Variants in MINK1 observed in about 807,000 individuals in gnomAD.
MINK1 encodes the protein misshapen-like kinase 1.
Under a neutral mutation model 178.4 loss-of-function variants are expected in MINK1, and 46 were observed. The ratio of observed to expected loss-of-function variants is 0.26; its 90% CI spans 0.20 to 0.33. The LOEUF (loss-of-function observed/expected upper bound fraction) is 0.33, where lower values mean the gene tolerates loss of function less well. MINK1 is among the 10% of genes least tolerant of loss of function. The probability of loss-of-function intolerance (pLI) is 1.00; values close to 1 mark genes in which losing one functional copy is unlikely to be tolerated. For synonymous variants in MINK1, 797 were observed against 709.7 expected (o/e 1.12, Z -1.96); for missense variants, 1,366 against 1,814.9 (o/e 0.75, Z 4.49).
intron 13 of MINK1, chr17:4,890,144 C>A: frequency 1.6e-6 from 1 of 618,008 alleles, no homozygotes; most frequent in Non-Finnish European, 2.4e-6. Flanking sequence ...CCTCCTTCTC[C>A]AACTCGCTGC....
At chr17:4,864,731 A>G (rs940444431) in intron 1 of MINK1, among the ~76,000 whole-genome samples, 1 of 152,200 alleles carries the variant, frequency 6.6e-6, no homozygotes, top group Non-Finnish European at 1.5e-5. Flanking sequence ...ATCTCAAAAA[A>G]AAGAGCTATG....
intron 1 of MINK1, chr17:4,859,307 T>C (rs1196934199): frequency 4.1e-6 from 4 of 985,288 alleles, no homozygotes; most frequent in Non-Finnish European, 4.8e-6. Flanking sequence ...TCAAGAATTA[T>C]GACTCATCGG....
At chr17:4,851,182 C>G (rs902631572) in intron 1 of MINK1, among the ~76,000 whole-genome samples, 1 of 152,194 alleles carries the variant, frequency 6.6e-6, no homozygotes, top group African/African-American at 2.4e-5. Flanking sequence ...TTGTGGGAGC[C>G]AGTTTCTTCA....
At chr17:4,891,432 A>C (rs966997370) in intron 15 of MINK1, 24 bp from the exon 16 acceptor site, 1 of 1,525,376 alleles carries the variant, frequency 6.6e-7, no homozygotes, top group Non-Finnish European at 8.8e-7. Context: ...CAGGCAGCCC[A>C]CCCTCCCTGG....
At position 4,894,694 on chromosome 17, in the gene MINK1, C is replaced by A; in HGVS notation, c.2917+61C>A. On this transcript the variant is annotated intron_variant, in intron 24 of 31. Coordinates refer to ENST00000355280, the MANE Select transcript of MINK1 (RefSeq NM_153827.5). This position sits in a 1 kb window ranked among gnomAD's most constrained non-coding sequence, Gnocchi z 4.1. ...GGTCCAGGGGCAGCCTGGAGGGGAG[C>A]ACAGTGGTCTTGAGACGCAGCCTCA... 1 of 1,319,246 alleles carries A rather than the reference C, an allele frequency of 7.6e-7. No individual in the cohort carries two copies. Among genetic ancestry groups the A allele is most frequent in the Non-Finnish European group, 1.1e-6 (1 of 933,324 alleles). The allele number at this position is 1,319,246 out of a possible 1,614,324, so 81.7% of individuals were successfully genotyped here. A position where few individuals can be genotyped will look rare whatever the true frequency, so the allele number is the denominator to read the frequency against.
At chr17:4,856,329 C>G (rs1373922690) in intron 1 of MINK1, among the ~76,000 whole-genome samples, 2 of 152,116 alleles carry the variant, frequency 1.3e-5, no homozygotes, top group Non-Finnish European at 2.9e-5. Flanking sequence ...TGTCCAGTAT[C>G]TCTGCTTGGG....
intron 1 of MINK1, among the ~76,000 whole-genome samples, 185 bp from the exon 2 acceptor site, chr17:4,878,132 C>T (rs531357172): frequency 2.6e-5 from 4 of 152,246 alleles, no homozygotes; most frequent in Admixed American, 6.5e-5. Context: ...CAACTTTTCC[C>T]GTAGAACATT....
chr17:4,889,212 C>T (rs970238660), intron 12 of MINK1, among the ~76,000 whole-genome samples: 10 of 152,280 alleles, frequency 6.6e-5, no homozygotes, highest in African/African-American at 2.4e-4. Context: ...TGGGCCAGGT[C>T]CCTCTTTTCT....
chr17:4,843,100 T>A (rs1422529141), intron 1 of MINK1, among the ~76,000 whole-genome samples: 1 of 152,146 alleles, frequency 6.6e-6, no homozygotes, highest in Non-Finnish European at 1.5e-5. Context: ...CGCCTAACCT[T>A]AACAAGGTCA....
Position 4,894,470 on chromosome 17 carries a change from C to A in MINK1, c.2809-55C>A. 6.6e-7 allele frequency: 1 copy of A among 1,522,748 alleles called. No individual in the cohort carries two copies. Among genetic ancestry groups the A allele is most frequent in the Non-Finnish European group, 8.9e-7 (1 of 1,119,594 alleles). 94.3% of individuals were successfully genotyped at this position (1,522,748 alleles called of 1,614,324 possible). A position where few individuals can be genotyped will look rare whatever the true frequency, so the allele number is the denominator to read the frequency against. On this transcript the variant is annotated intron_variant, in intron 23 of 31. Transcript: ENST00000355280. The surrounding 1 kb of genome is among the most constrained non-coding windows in gnomAD (Gnocchi z 4.1). ...GGAGCCTGGGGAACAGCAGCAGGGG[C>A]AGGGCCGCAGCTGGACTTGCACTTG...
intron 1 of MINK1, among the ~76,000 whole-genome samples, chr17:4,838,078 G>C (rs1909577473): frequency 6.6e-6 from 1 of 152,174 alleles, no homozygotes; most frequent in Admixed American, 6.6e-5. Context: ...AGATGCCTTA[G>C]GCAGGAGAAT....
At chr17:4,858,989 C>A in intron 1 of MINK1, 1 of 316,724 alleles carries the variant, frequency 3.2e-6, no homozygotes, top group Non-Finnish European at 4.5e-6. Context: ...CCTCCCAACA[C>A]CAGGCACCCG....
At chr17:4,856,994 T>A in intron 1 of MINK1, 1 of 180,802 alleles carries the variant, frequency 5.5e-6, no homozygotes, top group Middle Eastern at 8.2e-4. Flanking sequence ...TGAGGATCAG[T>A]ATCATGCCTA....
At chr17:4,876,050 C>T (rs973897079) in intron 1 of MINK1, among the ~76,000 whole-genome samples, 2 of 152,042 alleles carry the variant, frequency 1.3e-5, no homozygotes, top group African/African-American at 4.8e-5. Flanking sequence ...CCGCTTCAGC[C>T]TCTCAAAGTG....
Position 4,892,241 on chromosome 17 carries a change from C to T in MINK1, c.2087+7C>T. 6.4e-7 allele frequency: 1 copy of T among 1,569,002 alleles called. No homozygotes were observed. The highest frequency in any genetic ancestry group is 8.6e-7 in the Non-Finnish European group (1 of 1,157,718). On this transcript the variant is annotated splice_region_variant and intron_variant, in intron 17 of 31. Coordinates refer to ENST00000355280, the MANE Select transcript of MINK1 (RefSeq NM_153827.5). Reference sequence around the variant, plus strand: ...CCCAGGCAGTCCGTGCCAGGTAATGCCTGGGTAGGGCAACGCCTGGGTGAG... The same window carrying T: ...CCCAGGCAGTCCGTGCCAGGTAATGTCTGGGTAGGGCAACGCCTGGGTGAG...
At chr17:4,856,550 A>G (rs1265266108) in intron 1 of MINK1, among the ~76,000 whole-genome samples, 2 of 152,212 alleles carry the variant, frequency 1.3e-5, no homozygotes, top group African/African-American at 2.4e-5. Flanking sequence ...AGCCTCCGCA[A>G]TGGGAACCTC....
Position 4,894,976 on chromosome 17 carries a change from G to A in MINK1, c.2918-99G>A, listed in dbSNP as rs545016562. ...CTCCTGTCTTTCTCCTCCTTTCTGC[G>A]TATTATGAGGTGCCAAGACCTGATA... On this transcript the variant is annotated intron_variant, in intron 24 of 31. Transcript: ENST00000355280. This position sits in a 1 kb window ranked among gnomAD's most constrained non-coding sequence, Gnocchi z 4.1. 3.7e-5 allele frequency: 47 copies of A among 1,271,278 alleles called. No individual in the cohort carries two copies. The South Asian group carries it at 5.4e-4, about 15-fold the overall frequency. The allele number at this position is 1,271,278 out of a possible 1,614,324, so 78.7% of individuals were successfully genotyped here. A position where few individuals can be genotyped will look rare whatever the true frequency, so the allele number is the denominator to read the frequency against.
intron 1 of MINK1, chr17:4,860,730 C>T (rs1331142971): frequency 5.8e-6 from 3 of 520,000 alleles, no homozygotes; most frequent in Non-Finnish European, 1.2e-5. Context: ...CTGGTGTGTG[C>T]CTGGTTCTCC....
At position 4,845,945 on chromosome 17, in the gene MINK1, T is replaced by G. The variant is rs80138275; in HGVS notation, c.57+12305T>G. On this transcript the variant is annotated intron_variant, in intron 1 of 31. Transcript: ENST00000355280. ...GCGTGAGCCACCGCATGTGGCTGAGTTGGATATTTTAGAACACAGATGAAT... is the reference window on the plus strand; with the variant it reads ...GCGTGAGCCACCGCATGTGGCTGAGGTGGATATTTTAGAACACAGATGAAT... 2.4e-3 allele frequency among the ~76,000 whole-genome samples: 364 copies of G among 152,242 alleles called. 10 individuals are homozygous for G. Among genetic ancestry groups the G allele is most frequent in the East Asian group, 0.02 (101 of 5,176 alleles).
Sources: allele counts gnomAD v4.1 joint callset (sites outside exome capture counted in the v4.1 genomes callset), GRCh38; gene constraint gnomAD v4.1.1; non-coding constraint Gnocchi (gnomAD v3.1); transcripts MANE v1.5; gene names NCBI Gene and HGNC (gene_info 2026-07-23, HGNC 2026-07-21).